The following CCNH variants were observed in gnomAD, a reference collection of about 807,000 sequenced individuals.
CCNH encodes the protein cyclin-H.
In CCNH, 31 loss-of-function variants were observed where a neutral mutation model predicts 41.9. The observed-to-expected ratio is 0.74, with a 90% CI of 0.56 to 1.00. CCNH has a LOEUF of 1.00. CCNH is among the 50% of genes least tolerant of loss of function. CCNH has a pLI of 0.00. For synonymous variants in CCNH, 138 were observed against 136.1 expected, an observed-to-expected ratio of 1.01 and a Z score of -0.10; for missense variants, 362 against 388.4, an observed-to-expected ratio of 0.93 and a Z score of 0.57.
chr5:87,323,223 T>A (rs1756956044), intron 9 of CCNH, among the ~76,000 whole-genome samples: 1 of 152,192 alleles, frequency 6.6e-6, no homozygotes, highest in Non-Finnish European at 1.5e-5. Flanking sequence ...TTCACCCTTA[T>A]TTTTTTAAAA....
intron 9 of CCNH, among the ~76,000 whole-genome samples, chr5:87,366,949 C>CT (rs1271239731): frequency 6.6e-6 from 1 of 152,178 alleles, no homozygotes; most frequent in African/African-American, 2.4e-5. Context: ...TGAGGATTGT[C>CT]TGAGCCCAGG....
chr5:87,374,890 C>A, downstream of CCNH: 1 of 1,606,534 alleles, frequency 6.2e-7, no homozygotes, highest in Non-Finnish European at 8.5e-7. Flanking sequence ...AGTAATAAAA[C>A]AAAGAAAAGC....
chr5:87,360,747 A>T (rs1237401923), intron 9 of CCNH, among the ~76,000 whole-genome samples: 1 of 152,166 alleles, frequency 6.6e-6, no homozygotes, highest in East Asian at 1.9e-4. Flanking sequence ...ATTCAAGTAT[A>T]TCATCATCTG....
intron 3 of CCNH, among the ~76,000 whole-genome samples, chr5:87,408,509 T>G (rs553539850): frequency 8.5e-5 from 13 of 152,228 alleles, no homozygotes; most frequent in African/African-American, 3.1e-4. Context: ...TAAGAGTACT[T>G]TGTATAATGT....
In CCNH at chr5:87,349,321, A is replaced by G. The variant is rs560064316; in HGVS notation, c.*91-30424T>C. The G allele has an allele frequency of 1.3e-5, 21 of 1,612,134 alleles. No individual in the cohort carries two copies. The highest frequency in any genetic ancestry group is 1.8e-5 in the Non-Finnish European group (21 of 1,178,744). On this transcript the variant is annotated intron_variant and NMD_transcript_variant, in intron 9 of 9. Transcript: ENST00000645953. ...TATTCAGCGATTTAAAATATGTCCAACGCCAAACAATCAGTTTATGATGGG... is the reference window on the plus strand; with the variant it reads ...TATTCAGCGATTTAAAATATGTCCAGCGCCAAACAATCAGTTTATGATGGG...
chr5:87,364,819 C>T (rs549600254), intron 9 of CCNH, among the ~76,000 whole-genome samples: 1 of 152,216 alleles, frequency 6.6e-6, no homozygotes, highest in Admixed American at 6.5e-5. Flanking sequence ...TTCTGTTGAG[C>T]CACCTCTCAA....
intron 9 of CCNH, chr5:87,353,134 A>G (rs775686466): frequency 1.3e-6 from 2 of 1,571,028 alleles, no homozygotes; most frequent in South Asian, 2.2e-5. Flanking sequence ...ACAGATTAAT[A>G]CTAGAAATTT....
chr5:87,352,849 A>G (rs1357184142), intron 9 of CCNH, among the ~76,000 whole-genome samples: 2 of 151,854 alleles, frequency 1.3e-5, no homozygotes, highest in African/African-American at 4.8e-5. Context: ...AAAAAGGTAG[A>G]CTTTTAATCA....
chr5:87,319,598 T>G (rs373176893), intron 9 of CCNH, among the ~76,000 whole-genome samples: 1 of 152,202 alleles, frequency 6.6e-6, no homozygotes, highest in Non-Finnish European at 1.5e-5. Context: ...CTGGAGTGGC[T>G]GGGATGCGGG....
intron 9 of CCNH, among the ~76,000 whole-genome samples, chr5:87,336,737 C>T (rs1437435745): frequency 3.9e-5 from 6 of 152,002 alleles, no homozygotes; most frequent in Non-Finnish European, 8.8e-5. Flanking sequence ...TCCTTTTACT[C>T]ATAATGATTT....
chr5:87,317,332 T>C (rs1055684375), downstream of CCNH, among the ~76,000 whole-genome samples: 1 of 152,194 alleles, frequency 6.6e-6, no homozygotes, highest in South Asian at 2.1e-4. Flanking sequence ...GCCTATCTTC[T>C]TCCTCATTAG....
downstream of CCNH, chr5:87,391,184 C>G (rs900556819): frequency 1.4e-5 from 7 of 487,030 alleles, no homozygotes; most frequent in Non-Finnish European, 2.2e-5. Context: ...CTTGATATCT[C>G]GAACTTTCAA....
At chr5:87,372,411 C>T (rs1449457207), downstream of CCNH, among the ~76,000 whole-genome samples, 1 of 152,032 alleles carries the variant, frequency 6.6e-6, no homozygotes, top group Non-Finnish European at 1.5e-5. Flanking sequence ...ATTATTCTTC[C>T]ACTTTAAATA....
intron 1 of CCNH, among the ~76,000 whole-genome samples, chr5:87,411,751 TG>T (rs751019455): frequency 1.3e-5 from 2 of 152,312 alleles, no homozygotes; most frequent in Non-Finnish European, 2.9e-5. Flanking sequence ...AAACAGCAAA[TG>T]TTTCAATAAA....
intron 3 of CCNH, among the ~76,000 whole-genome samples, 165 bp from the exon 4 acceptor site, chr5:87,408,351 C>T (rs1293179694): frequency 6.6e-6 from 1 of 152,174 alleles, no homozygotes; most frequent in African/African-American, 2.4e-5. Context: ...TTTTAAAAGA[C>T]ACTTCCTGTT....
intron 9 of CCNH, among the ~76,000 whole-genome samples, chr5:87,356,950 C>G (rs77370944): frequency 0.032 from 4,854 of 152,120 alleles, 162 homozygotes; most frequent in African/African-American, 0.074. Flanking sequence ...TGTTTTTTCC[C>G]AGTGCTTAGA....
At chr5:87,406,456 C>T (rs912878337) in intron 4 of CCNH, among the ~76,000 whole-genome samples, 3 of 152,144 alleles carry the variant, frequency 2.0e-5, no homozygotes, top group African/African-American at 7.2e-5. Context: ...TCCTCATGTT[C>T]TATTGATTCT....
intron 9 of CCNH, chr5:87,362,770 G>C (rs986832460): frequency 7.2e-7 from 1 of 1,389,316 alleles, no homozygotes. Flanking sequence ...TTTGACATGA[G>C]TTATTAGTAA....
downstream of CCNH, chr5:87,390,905 G>A (rs571819598): frequency 6.3e-7 from 1 of 1,583,980 alleles, no homozygotes; most frequent in African/African-American, 1.3e-5. Context: ...CCAGTGTTCT[G>A]CATGGATTCA....
Sources: gnomAD v4.1 joint callset for allele counts (sites outside exome capture counted in the v4.1 genomes callset) on GRCh38, gnomAD v4.1.1 for gene constraint, MANE v1.5 for transcripts, NCBI Gene and HGNC (gene_info 2026-07-23, HGNC 2026-07-21) for gene names.